Variants in SARDH observed in about 807,000 individuals in gnomAD.
SARDH encodes the protein sarcosine dehydrogenase, mitochondrial.
Under a neutral mutation model 109.1 loss-of-function variants are expected in SARDH, and 95 were observed. That is an observed-to-expected ratio of 0.87 (90% CI 0.74 to 1.03). The LOEUF is 1.03. Ranked by LOEUF, SARDH falls within the 50% of genes least tolerant of loss-of-function variation. The pLI, the probability that SARDH is intolerant of heterozygous loss-of-function variation, is 0.00. For synonymous variants in SARDH, 572 were observed against 534.8 expected (o/e 1.07, Z -0.96); for missense variants, 1,267 against 1,287.8 (o/e 0.98, Z 0.25).
chr9:133,673,027 G>A (rs129933), intron 17 of SARDH, among the ~76,000 whole-genome samples: 87,726 of 152,132 alleles, frequency 0.58, 26,331 homozygotes, highest in East Asian at 0.88. Flanking sequence ...AACACGGTCA[G>A]TAATGTCTGT....
At position 133,674,366 on chromosome 9, in the gene SARDH, C is replaced by T. The variant is rs569175056; in HGVS notation, c.2164-2669G>A. On this transcript the variant is annotated intron_variant, in intron 17 of 20. Transcript: ENST00000439388. ...CACCAAGCACATGGTCCCGGCACGT[C>T]GTCCTTGGCCACTCTGACTCAGGTG... is the stretch of plus-strand genomic sequence containing the variant. 6.2e-4 allele frequency among the ~76,000 whole-genome samples: 94 copies of T among 152,358 alleles called. 1 individual carries two copies. The highest frequency in any genetic ancestry group is 2.1e-3 in the East Asian group (11 of 5,170).
downstream of SARDH, among the ~76,000 whole-genome samples, chr9:133,660,663 GGA>G (rs1832401315): frequency 6.6e-6 from 1 of 152,232 alleles, no homozygotes; most frequent in Non-Finnish European, 1.5e-5. Context: ...TGCCCACCGA[GGA>G]GAGGGTTCCC....
chr9:133,734,371 A>G (rs1323161786), intron 1 of SARDH, among the ~76,000 whole-genome samples, 168 bp from the exon 2 acceptor site: 1 of 152,138 alleles, frequency 6.6e-6, no homozygotes, highest in Non-Finnish European at 1.5e-5. Flanking sequence ...TCACTCATTC[A>G]TTCATTCACT....
In SARDH at chr9:133,713,113, G is replaced by C. The variant is rs768893946; in HGVS notation, c.1162C>G (p.Pro388Ala). ...STVCGPESFT[P>A]DHKPLMGEAP... ...TCCCCCATCAGGGGCTTGTGGTCGG[G>C]CGTGAAGGATTCTGAAAGAAGGAGA... The change falls in exon 9 of 21, where the codon CCC becomes GCC. Residue 388 changes from proline to alanine, a missense_variant. Pro to Ala is a conservative substitution (Grantham distance 27). Coordinates refer to ENST00000439388, the MANE Select transcript of SARDH (RefSeq NM_001134707.2). 2.5e-6 allele frequency: 4 copies of C among 1,613,226 alleles called. No homozygotes were observed. The highest frequency in any genetic ancestry group is 3.4e-6 in the Non-Finnish European group (4 of 1,179,874).
At chr9:133,683,514 C>T (rs1156388262) in intron 17 of SARDH, among the ~76,000 whole-genome samples, 1 of 152,222 alleles carries the variant, frequency 6.6e-6, no homozygotes, top group African/African-American at 2.4e-5. Flanking sequence ...CATCTGAAGG[C>T]CGTGTGGCCT....
chr9:133,719,138 C>A, intron 6 of SARDH, 96 bp from the exon 7 acceptor site: 1 of 990,398 alleles, frequency 1.0e-6, no homozygotes. Context: ...CACCCAGGGT[C>A]ACGGGCTCGA....
intron 1 of SARDH, among the ~76,000 whole-genome samples, chr9:133,734,641 T>G (rs579232): frequency 0.65 from 98,982 of 151,358 alleles, 32,520 homozygotes; most frequent in Middle Eastern, 0.73. Flanking sequence ...TAGAGAAGAG[T>G]GGGTGGCGTG....
upstream of SARDH, among the ~76,000 whole-genome samples, chr9:133,739,410 C>T (rs1193462429): frequency 1.3e-5 from 2 of 152,224 alleles, no homozygotes; most frequent in East Asian, 3.8e-4. Context: ...CCAATGTGTA[C>T]AAAGCACTGC....
intron 4 of SARDH, 104 bp downstream of exon 4, chr9:133,731,201 C>T: frequency 7.0e-7 from 1 of 1,431,204 alleles, no homozygotes; most frequent in Non-Finnish European, 9.5e-7. Flanking sequence ...AGTCACACAG[C>T]AGTCAGAGAA....
chr9:133,680,323 CCCCA>C (rs61166058), intron 17 of SARDH, among the ~76,000 whole-genome samples: 71,392 of 151,728 alleles, frequency 0.47, 18,941 homozygotes, highest in African/African-American at 0.74. Context: ...GTCCCAAACC[CCCCA>C]GTGTCTGTGG....
chr9:133,670,525 T>C lies in SARDH; in HGVS notation c.2495+59A>G, dbSNP rs1830304407. On this transcript the variant is annotated intron_variant, in intron 19 of 20. Coordinates refer to ENST00000439388, the MANE Select transcript of SARDH (RefSeq NM_001134707.2). ...TTTGAGTGGGGGACCAAGAAGCGCC[T>C]GCCTGCCCTGGCTGTAGGCAGTTGC... is the stretch of plus-strand genomic sequence containing the variant. The C allele has an allele frequency of 1.6e-5, 24 of 1,526,290 alleles. No individual in the cohort carries two copies. The South Asian group carries it at 2.7e-4, about 17-fold the overall frequency. The allele number at this position is 1,526,290 out of a possible 1,614,324, so 94.5% of individuals were successfully genotyped here. A position where few individuals can be genotyped will look rare whatever the true frequency, so the allele number is the denominator to read the frequency against.
At chr9:133,715,035 C>T (rs1184727058) in intron 8 of SARDH, among the ~76,000 whole-genome samples, 1 of 152,218 alleles carries the variant, frequency 6.6e-6, no homozygotes, top group Non-Finnish European at 1.5e-5. Flanking sequence ...GCAACATGGC[C>T]AGGGGCCAGG....
intron 17 of SARDH, among the ~76,000 whole-genome samples, chr9:133,672,062 A>C (rs2131335902): frequency 6.6e-6 from 1 of 152,344 alleles, no homozygotes; most frequent in Admixed American, 6.5e-5. Flanking sequence ...CTCAAAATCC[A>C]AAATCACCAT....
downstream of SARDH, among the ~76,000 whole-genome samples, chr9:133,661,851 G>A (rs1321214500): frequency 6.6e-6 from 1 of 152,134 alleles, no homozygotes; most frequent in Admixed American, 6.5e-5. Context: ...TGAGCGTCAT[G>A]GTATCAATAT....
intron 6 of SARDH, among the ~76,000 whole-genome samples, chr9:133,721,785 T>G (rs1564290700): frequency 6.6e-6 from 1 of 152,090 alleles, no homozygotes; most frequent in African/African-American, 2.4e-5. Context: ...AACAAAACAA[T>G]AGCAAACTGA....
At chr9:133,697,173 A>T (rs758408350) in intron 13 of SARDH, among the ~76,000 whole-genome samples, 11 of 152,246 alleles carry the variant, frequency 7.2e-5, no homozygotes, top group Admixed American at 1.3e-4. Context: ...GAACACGTGT[A>T]TGCCAACAGA....
chr9:133,680,742 C>T (rs129944), intron 17 of SARDH, among the ~76,000 whole-genome samples: 8 of 148,740 alleles, frequency 5.4e-5, no homozygotes, highest in Non-Finnish European at 7.4e-5. Context: ...TCCAGACACA[C>T]GCAGACCTGG....
At position 133,732,507 on chromosome 9, in the gene SARDH, T is replaced by C. The variant is rs1324365592; in HGVS notation, c.426A>G (p.Gly142=). 1.2e-6 allele frequency: 2 copies of C among 1,613,558 alleles called. No homozygotes were observed. The highest frequency in any genetic ancestry group is 1.7e-6 in the Non-Finnish European group (2 of 1,179,820). Reference sequence around the variant, plus strand: ...CATTCTGGATCCAGCCCGTGTGTAGTCCCGTCTCCTCCTCCAGCTCCCGGC... The same window carrying C: ...CATTCTGGATCCAGCCCGTGTGTAGCCCCGTCTCCTCCTCCAGCTCCCGGC... ...VVSRELEEET[G]LHTGWIQNGG... The change falls in exon 3 of 21, where the codon GGA becomes GGG. Residue 142 remains glycine (G), a synonymous_variant. Transcript: ENST00000439388.
At chr9:133,710,395 C>T (rs535983073) in intron 10 of SARDH, among the ~76,000 whole-genome samples, 1 of 152,318 alleles carries the variant, frequency 6.6e-6, no homozygotes, top group African/African-American at 2.4e-5. Context: ...CCCTGGTGCC[C>T]GGTCAGCCCT....
Sources: allele counts gnomAD v4.1 joint callset (sites outside exome capture counted in the v4.1 genomes callset), GRCh38; gene constraint gnomAD v4.1.1; transcripts MANE v1.5; gene names NCBI Gene and HGNC (gene_info 2026-07-23, HGNC 2026-07-21).